GOT2: variants seen among roughly 807,000 people sequenced by gnomAD.
The protein encoded by GOT2 is aspartate aminotransferase, mitochondrial.
A neutral mutation model predicts 50.0 loss-of-function variants in GOT2; 17 were observed. That is an observed-to-expected ratio of 0.34 (90% CI 0.23 to 0.51). GOT2 has a LOEUF of 0.51. Among genes scored for constraint, GOT2 ranks in the 20% least tolerant of loss-of-function variants. The pLI is 0.97. For missense variants in GOT2, 430 were observed against 559.6 expected (o/e 0.77, Z 2.34); for synonymous variants, 172 against 204.9 (o/e 0.84, Z 1.37).
intron 1 of GOT2, among the ~76,000 whole-genome samples, chr16:58,725,267 A>G (rs1484619346): frequency 6.6e-6 from 1 of 151,910 alleles, no homozygotes; most frequent in Non-Finnish European, 1.5e-5. Flanking sequence ...AGTGTCCGCC[A>G]CTACACCCAG....
At chr16:58,715,944 A>G in intron 8 of GOT2, 70 bp downstream of exon 8, 5 of 1,274,316 alleles carry the variant, frequency 3.9e-6, no homozygotes, top group South Asian at 2.8e-5. Flanking sequence ...CTAGAGGTCA[A>G]TTAAAAACTA....
At chr16:58,726,239 G>T (rs2044782312) in intron 1 of GOT2, among the ~76,000 whole-genome samples, 1 of 152,188 alleles carries the variant, frequency 6.6e-6, no homozygotes, top group Non-Finnish European at 1.5e-5. Context: ...AGGCTGGAAT[G>T]CAATGGTGCG....
chr16:58,726,372 G>C (rs1196034824), intron 1 of GOT2, among the ~76,000 whole-genome samples: 5 of 152,264 alleles, frequency 3.3e-5, no homozygotes, highest in African/African-American at 1.2e-4. Context: ...TTTTAGTAGA[G>C]ACGGGGTTTC....
chr16:58,718,321 G>C lies in GOT2; in HGVS notation c.598-21C>G, dbSNP rs377081941. 8 of 1,580,234 alleles carry C rather than the reference G, an allele frequency of 5.1e-6. No individual in the cohort carries two copies. The African/African-American group carries it at 1.1e-4, about 21-fold the overall frequency. ...ATTTTCTAAAGAGAAAAACAGCCAA[G>C]AGACGACTTTGCAGCTTTAAAGGAA... On this transcript the variant is annotated intron_variant, in intron 5 of 9. Transcript: ENST00000245206.
At chr16:58,733,296 G>T (rs1400560863) in intron 1 of GOT2, among the ~76,000 whole-genome samples, 1 of 152,008 alleles carries the variant, frequency 6.6e-6, no homozygotes, top group African/African-American at 2.4e-5. Context: ...CATTTTTTGA[G>T]CAATGACCAT....
intron 8 of GOT2, among the ~76,000 whole-genome samples, chr16:58,710,306 A>G (rs911334581): frequency 2.4e-4 from 36 of 152,044 alleles, no homozygotes; most frequent in Admixed American, 2.0e-3. Flanking sequence ...TGCAGCCTCA[A>G]TCTTCCAGGC....
chr16:58,718,292 T>C lies in GOT2; in HGVS notation c.606A>G (p.Pro202=), dbSNP rs1027037529. The C allele has an allele frequency of 6.2e-7, 1 of 1,612,562 alleles. No homozygotes were observed. ...CATGCAGAAGAAGAACACTCTGCTC[T>C]GGTATTTTCTAAAGAGAAAAACAGC... ...TGAVEDISKI[P]EQSVLLLHAC... Residue 202 remains proline (P), a synonymous_variant, in exon 6 of 10, where the codon CCA becomes CCG. Transcript: ENST00000245206.
intron 1 of GOT2, among the ~76,000 whole-genome samples, chr16:58,731,020 T>G (rs1173330673): frequency 2.6e-5 from 4 of 152,124 alleles, no homozygotes; most frequent in Non-Finnish European, 5.9e-5. Context: ...CTACTTAAAG[T>G]TTTACAGTTT....
At chr16:58,718,456 T>C (rs2152095208) in intron 5 of GOT2, 71 bp downstream of exon 5, 1 of 1,440,800 alleles carries the variant, frequency 6.9e-7, no homozygotes, top group South Asian at 1.3e-5. Context: ...TATTGGGACA[T>C]GGTGGGAGAC....
intron 1 of GOT2, among the ~76,000 whole-genome samples, chr16:58,727,085 C>T (rs562598749): frequency 3.2e-4 from 48 of 152,144 alleles, no homozygotes; most frequent in Admixed American, 1.1e-3. Flanking sequence ...ACCCAGGAGG[C>T]GGAGGTTGCA....
chr16:58,719,174 C>T (rs1437078552), intron 4 of GOT2, 22 bp downstream of exon 4: 5 of 1,574,550 alleles, frequency 3.2e-6, no homozygotes, highest in Middle Eastern at 1.7e-4. Flanking sequence ...TAATTCTTTC[C>T]TGAAGAAGCT....
chr16:58,720,069 C>T (rs77885515), intron 3 of GOT2, among the ~76,000 whole-genome samples: 10,996 of 152,070 alleles, frequency 0.072, 811 homozygotes, highest in East Asian at 0.29. Context: ...GGTGTGTTGG[C>T]GCATGCCTGT....
chr16:58,716,546 A>G, intron 7 of GOT2, 117 bp downstream of exon 7: 1 of 790,166 alleles, frequency 1.3e-6, no homozygotes. Context: ...AGGGAGGGAC[A>G]TGGACATGGA....
Position 58,734,157 on chromosome 16 carries a change from C to A in GOT2, c.72G>T (p.Ala24=). The A allele has an allele frequency of 7.5e-7, 1 of 1,333,660 alleles. No homozygotes were observed. The allele number at this position is 1,333,660 out of a possible 1,614,324, so 82.6% of individuals were successfully genotyped here. A position where few individuals can be genotyped will look rare whatever the true frequency, so the allele number is the denominator to read the frequency against. ...TGGCTTACCTGGCTCTGGCAGAGGC[C>A]GCGGCGGCGAGGCCCGGGTGGAAGG... ...AAAFHPGLAA[A]ASARASSWWT... is the part of the protein sequence containing the mutation. The change falls in exon 1 of 10, where the codon GCG becomes GCT. Residue 24 remains alanine (A), a synonymous_variant. Coordinates refer to ENST00000245206, the MANE Select transcript of GOT2 (RefSeq NM_002080.4).
At chr16:58,722,051 A>C (rs754324435) in intron 3 of GOT2, 99 bp downstream of exon 3, 31 of 1,351,010 alleles carry the variant, frequency 2.3e-5, no homozygotes, top group Non-Finnish European at 3.1e-5. Flanking sequence ...AAGTGGTGGG[A>C]TTACAGGCGT....
At chr16:58,714,999 A>T (rs1323011474) in intron 8 of GOT2, among the ~76,000 whole-genome samples, 5 of 152,130 alleles carry the variant, frequency 3.3e-5, no homozygotes, top group Non-Finnish European at 7.4e-5. Flanking sequence ...GGTCAAAAAA[A>T]TTTAGTAACA....
chr16:58,720,306 A>G (rs1389531497), intron 3 of GOT2, among the ~76,000 whole-genome samples: 1 of 152,208 alleles, frequency 6.6e-6, no homozygotes, highest in African/African-American at 2.4e-5. Flanking sequence ...CCTAAGGTGA[A>G]TCTCCTTATT....
chr16:58,726,274 C>T (rs957501594), intron 1 of GOT2, among the ~76,000 whole-genome samples: 3 of 152,146 alleles, frequency 2.0e-5, no homozygotes, highest in African/African-American at 7.2e-5. Context: ...CAACATCCGC[C>T]TCCCGGGTTC....
intron 1 of GOT2, among the ~76,000 whole-genome samples, chr16:58,724,952 T>C (rs2044771369): frequency 6.6e-6 from 1 of 152,182 alleles, no homozygotes; most frequent in South Asian, 2.1e-4. Flanking sequence ...CTCCATAAGC[T>C]CCTCTTCGCT....
Sources: allele counts gnomAD v4.1 joint callset (sites outside exome capture counted in the v4.1 genomes callset), GRCh38; gene constraint gnomAD v4.1.1; transcripts MANE v1.5; gene names NCBI Gene and HGNC (gene_info 2026-07-23, HGNC 2026-07-21).